MAPK10: variants seen among roughly 807,000 people sequenced by gnomAD.
MAPK10 encodes the protein JNK3 alpha protein kinase.
MAPK10 carries 25 observed loss-of-function variants against 59.3 expected under a neutral mutation model. The ratio of observed to expected loss-of-function variants is 0.42; its 90% confidence interval spans 0.31 to 0.59. The LOEUF is 0.59. Among genes scored for constraint, MAPK10 ranks in the 20% least tolerant of loss-of-function variants. MAPK10 has a pLI of 0.15. For missense variants in MAPK10, 351 were observed against 568.9 expected, an observed-to-expected ratio of 0.62 and a Z score of 3.90; for synonymous variants, 190 against 200.5, an observed-to-expected ratio of 0.95 and a Z score of 0.44.
At chr4:86,071,009 C>CA (rs1294579655) in intron 9 of MAPK10, among the ~76,000 whole-genome samples, 1 of 151,990 alleles carries the variant, frequency 6.6e-6, no homozygotes, top group Non-Finnish European at 1.5e-5. Context: ...GTCCCACCAA[C>CA]AGTGTAAAAG....
intron 2 of MAPK10, among the ~76,000 whole-genome samples, chr4:86,242,263 C>A (rs2092773966): frequency 6.6e-6 from 1 of 152,114 alleles, no homozygotes; most frequent in African/African-American, 2.4e-5. Flanking sequence ...GAGGCACCAA[C>A]CTGATGCCAG....
At chr4:86,393,892 A>G (rs1742561361) in intron 1 of MAPK10, among the ~76,000 whole-genome samples, 1 of 152,206 alleles carries the variant, frequency 6.6e-6, no homozygotes, top group African/African-American at 2.4e-5. Context: ...CCTCTTTAAG[A>G]GTATTAAAGA....
At chr4:86,190,855 C>A (rs2079547569) in intron 3 of MAPK10, among the ~76,000 whole-genome samples, 1 of 152,070 alleles carries the variant, frequency 6.6e-6, no homozygotes, top group Non-Finnish European at 1.5e-5. Context: ...GATTTTAGAT[C>A]TTTTTCACTT....
intron 1 of MAPK10, among the ~76,000 whole-genome samples, chr4:86,405,360 T>A (rs530981304): frequency 1.7e-4 from 26 of 152,302 alleles, no homozygotes; most frequent in African/African-American, 6.3e-4. Flanking sequence ...GCTATACACC[T>A]CAAATAAGAG....
At chr4:86,424,644 A>G (rs1216761960) in intron 1 of MAPK10, among the ~76,000 whole-genome samples, 1 of 152,054 alleles carries the variant, frequency 6.6e-6, no homozygotes, top group Non-Finnish European at 1.5e-5. Flanking sequence ...TGAATCATGC[A>G]TGGTCTCCTT....
intron 2 of MAPK10, among the ~76,000 whole-genome samples, chr4:86,284,160 A>G (rs2094918346): frequency 1.3e-5 from 2 of 152,212 alleles, no homozygotes; most frequent in Admixed American, 6.6e-5. Context: ...TGCAATACTC[A>G]CTGAATCCTC....
At position 86,528,393 on chromosome 4, in the gene MAPK10, A is replaced by T. The variant is rs76862898; in HGVS notation, c.-263+65517T>A. Among the ~76,000 whole-genome samples, 332 of 152,292 alleles carry T rather than the reference A, an allele frequency of 2.2e-3. 10 individuals carry two copies. In the East Asian group the frequency reaches 0.062, roughly 28 times the overall value. The stretch of plus-strand genomic sequence containing the variant: ...GCATAGTTGAGGGAGAGGACCAGAA[A>T]AGAAAACTTATCTTTTACTTTTATC... On this transcript the variant is annotated intron_variant, in intron 1 of 4. Transcript: ENST00000502302.
At chr4:86,528,344 G>GAA (rs371046344) in intron 1 of MAPK10, among the ~76,000 whole-genome samples, 1 of 142,868 alleles carries the variant, frequency 7.0e-6, no homozygotes, top group African/African-American at 2.6e-5. Context: ...GATATTTTCA[G>GAA]AAAAAAAAAA....
chr4:86,327,719 C>T (rs1270877030), intron 2 of MAPK10: 4 of 145,148 alleles, frequency 2.8e-5, no homozygotes. Context: ...GCGGGTAGAT[C>T]ACCTGAGGTC....
intron 1 of MAPK10, among the ~76,000 whole-genome samples, chr4:86,528,925 G>C (rs188565491): frequency 6.4e-4 from 97 of 152,296 alleles, no homozygotes; most frequent in Middle Eastern, 3.4e-3. Context: ...GAAGAGGTTA[G>C]ACCTTCAGTT....
intron 1 of MAPK10, among the ~76,000 whole-genome samples, chr4:86,438,038 C>T (rs1379012201): frequency 6.6e-6 from 1 of 152,066 alleles, no homozygotes; most frequent in African/African-American, 2.4e-5. Flanking sequence ...CAGAAGTAAG[C>T]AAAACAGATC....
At chr4:86,303,783 AT>A (rs2095512318) in intron 2 of MAPK10, among the ~76,000 whole-genome samples, 2 of 152,258 alleles carry the variant, frequency 1.3e-5, no homozygotes, top group African/African-American at 2.4e-5. Flanking sequence ...ACAGAGATTT[AT>A]AACCGCTACT....
intron 1 of MAPK10, among the ~76,000 whole-genome samples, chr4:86,499,362 C>A (rs1406581903): frequency 1.3e-5 from 2 of 152,170 alleles, no homozygotes; most frequent in African/African-American, 2.4e-5. Flanking sequence ...ACACCAGGAA[C>A]CTTGACTTCA....
intron 11 of MAPK10, among the ~76,000 whole-genome samples, chr4:86,047,810 T>C (rs2042793242): frequency 6.6e-6 from 1 of 152,124 alleles, no homozygotes; most frequent in Non-Finnish European, 1.5e-5. Context: ...CATTGGAAGA[T>C]GGGAAGGTGT....
chr4:86,190,461 G>C (rs570608712), intron 3 of MAPK10, among the ~76,000 whole-genome samples: 10 of 152,164 alleles, frequency 6.6e-5, no homozygotes, highest in African/African-American at 2.4e-4. Context: ...ACTTCTTCCT[G>C]GTTTAGTCTT....
intron 1 of MAPK10, among the ~76,000 whole-genome samples, chr4:86,434,448 A>T (rs1748439749): frequency 6.6e-6 from 1 of 152,256 alleles, no homozygotes. Flanking sequence ...ACTCTGTAGC[A>T]TAAAAACAAA....
intron 1 of MAPK10, among the ~76,000 whole-genome samples, chr4:86,366,503 T>C (rs1478789759): frequency 2.6e-5 from 4 of 151,990 alleles, no homozygotes; most frequent in Non-Finnish European, 5.9e-5. Context: ...GAATATCTAG[T>C]CCCATACCCT....
At chr4:86,349,269 G>T (rs1302032902) in intron 2 of MAPK10, among the ~76,000 whole-genome samples, 1 of 152,156 alleles carries the variant, frequency 6.6e-6, no homozygotes, top group Non-Finnish European at 1.5e-5. Context: ...CAGAATTTGT[G>T]ATGCCTTTGT....
intron 11 of MAPK10, among the ~76,000 whole-genome samples, chr4:86,033,746 T>C (rs547027905): frequency 6.6e-6 from 1 of 152,364 alleles, no homozygotes; most frequent in Non-Finnish European, 1.5e-5. Context: ...GCAAATTTAC[T>C]ACATATTCAG....
Sources: allele counts gnomAD v4.1 joint callset (sites outside exome capture counted in the v4.1 genomes callset), GRCh38; gene constraint gnomAD v4.1.1; transcripts MANE v1.5; gene names NCBI Gene and HGNC (gene_info 2026-07-23, HGNC 2026-07-21).